The following RTL4 variants were observed in gnomAD, a reference collection of about 807,000 sequenced individuals.
RTL4 encodes the protein retrotransposon Gag like 4, also known as retrotransposon Gag-like protein 4.
Under a neutral mutation model 5.3 loss-of-function variants are expected in RTL4, and 4 were observed. The ratio of observed to expected loss-of-function variants is 0.75; its 90% CI spans 0.37 to 1.72. RTL4 has a LOEUF of 1.72. RTL4 is among the 40% of genes most tolerant of loss of function. The probability of loss-of-function intolerance (pLI) is 0.04; values close to 1 mark genes in which losing one functional copy is unlikely to be tolerated. For synonymous variants in RTL4, 98 were observed against 87.3 expected (o/e 1.12, Z -0.68); for missense variants, 260 against 227.1 (o/e 1.14, Z -0.93).
chrX:112,419,629 G>C, the RTL4 span, among the ~76,000 whole-genome samples: 1 of 9,905 alleles, frequency 1.0e-4, no homozygotes, highest in Non-Finnish European at 5.3e-4. Flanking sequence ...ATATATTTAA[G>C]TATGTAAATC....
chrX:112,310,958 C>A, the RTL4 span, among the ~76,000 whole-genome samples: 1 of 101,458 alleles, frequency 9.9e-6, no homozygotes, highest in African/African-American at 3.6e-5. Flanking sequence ...CAATTAAATT[C>A]CAGTCTTGCA....
At chrX:112,402,711 CA>C in the RTL4 span, among the ~76,000 whole-genome samples, 1 of 110,576 alleles carries the variant, frequency 9.0e-6, no homozygotes, top group Non-Finnish European at 1.9e-5. Context: ...GAGAAAAGCT[CA>C]GAGCTCTAGA....
chrX:112,378,681 T>C, the RTL4 span, among the ~76,000 whole-genome samples: 1 of 111,912 alleles, frequency 8.9e-6, no homozygotes, highest in Admixed American at 9.4e-5. Context: ...GCCTAGCCTT[T>C]GTCATTGACA....
the RTL4 span, among the ~76,000 whole-genome samples, chrX:112,411,217 G>T: frequency 9.0e-6 from 1 of 111,444 alleles, no homozygotes; most frequent in Non-Finnish European, 1.9e-5. Context: ...GTAATAAAAA[G>T]TCTCCTAGCA....
the RTL4 span, among the ~76,000 whole-genome samples, chrX:112,320,870 C>A: frequency 1.8e-5 from 2 of 111,862 alleles, no homozygotes; most frequent in African/African-American, 6.5e-5. Flanking sequence ...TGTCTTTAAA[C>A]ATTTCCATAT....
At chrX:112,451,434 G>C (rs1003895429), upstream of RTL4, among the ~76,000 whole-genome samples, 1 of 111,237 alleles carries the variant, frequency 9.0e-6, no homozygotes, top group African/African-American at 3.3e-5. Context: ...GAAAGATCGA[G>C]GCTGCAATGA....
chrX:112,220,216 A>C, the RTL4 span, among the ~76,000 whole-genome samples: 1 of 112,831 alleles, frequency 8.9e-6, no homozygotes, highest in East Asian at 2.8e-4. Context: ...TTATTTTGCT[A>C]GTCTAAATTG....
chrX:112,412,436 A>G, the RTL4 span, among the ~76,000 whole-genome samples: 2 of 111,863 alleles, frequency 1.8e-5, no homozygotes, highest in African/African-American at 3.2e-5. Context: ...GAAGAATCAC[A>G]TTACCTGACT....
chrX:112,153,887 G>A, the RTL4 span, among the ~76,000 whole-genome samples: 1 of 110,841 alleles, frequency 9.0e-6, no homozygotes, highest in Admixed American at 9.6e-5. Flanking sequence ...ATCAAATTAC[G>A]GAAGGTTTCA....
At chrX:112,355,071 G>T in the RTL4 span, among the ~76,000 whole-genome samples, 5 of 111,327 alleles carry the variant, frequency 4.5e-5, no homozygotes. Flanking sequence ...TCTGAGAACT[G>T]GTTTGTTCCT....
chrX:112,165,083 TC>T, the RTL4 span, among the ~76,000 whole-genome samples: 4 of 111,577 alleles, frequency 3.6e-5, no homozygotes, highest in Admixed American at 2.8e-4. Flanking sequence ...GCCAATCAAA[TC>T]CTATTGCACT....
At chrX:112,128,913 A>G in the RTL4 span, among the ~76,000 whole-genome samples, 2 of 111,393 alleles carry the variant, frequency 1.8e-5, no homozygotes, top group East Asian at 5.6e-4. Flanking sequence ...AGCCTACTCA[A>G]TAGGAGAAAT....
At chrX:112,095,857 C>G in the RTL4 span, among the ~76,000 whole-genome samples, 1 of 111,492 alleles carries the variant, frequency 9.0e-6, no homozygotes, top group African/African-American at 3.3e-5. Flanking sequence ...TCTATACTGC[C>G]ATAGATGTCA....
the RTL4 span, among the ~76,000 whole-genome samples, chrX:112,344,319 A>G: frequency 8.9e-6 from 1 of 112,143 alleles, no homozygotes; most frequent in Non-Finnish European, 1.9e-5. Flanking sequence ...GTTTGTTCTT[A>G]CACTGCTATA....
chrX:112,302,860 G>A, the RTL4 span, among the ~76,000 whole-genome samples: 5 of 112,234 alleles, frequency 4.5e-5, no homozygotes, highest in African/African-American at 6.5e-5. Flanking sequence ...CTATCTAGAC[G>A]TTCATTATTT....
chrX:112,182,855 C>T, the RTL4 span, among the ~76,000 whole-genome samples: 1 of 111,464 alleles, frequency 9.0e-6, no homozygotes, highest in Non-Finnish European at 1.9e-5. Context: ...CCACAAGGCA[C>T]ATAATCATCA....
Position 112,454,711 on chromosome X carries a change from C to A in RTL4, c.-18C>A, listed in dbSNP as rs758584632. 53 of 1,162,102 alleles carry A rather than the reference C, an allele frequency of 4.6e-5. No homozygotes were observed. The highest frequency in any genetic ancestry group is 4.0e-5 in the Non-Finnish European group (35 of 869,591). Reference sequence around the variant, plus strand: ...AGTACTCAATTCTACTCAATCCCACCTGATTCCAGGAGACATAATGGAGAA... The same window carrying A: ...AGTACTCAATTCTACTCAATCCCACATGATTCCAGGAGACATAATGGAGAA... On this transcript the variant is annotated 5_prime_UTR_variant, in exon 1 of 1. In the 5' UTR this introduces an upstream ATG that the reference lacks. Coordinates refer to ENST00000340433, the Ensembl canonical transcript of RTL4.
chrX:112,211,956 TCAGA>T, the RTL4 span, among the ~76,000 whole-genome samples: 1 of 112,280 alleles, frequency 8.9e-6, no homozygotes, highest in East Asian at 2.8e-4. Flanking sequence ...GAGTGTGTAA[TCAGA>T]CAGCATGGTA....
the RTL4 span, among the ~76,000 whole-genome samples, chrX:112,166,266 T>C: frequency 8.9e-6 from 1 of 111,937 alleles, no homozygotes; most frequent in Admixed American, 9.5e-5. Flanking sequence ...TTTGGTTCCC[T>C]TTTTCATTTC....
Sources: gnomAD v4.1 joint callset for allele counts (sites outside exome capture counted in the v4.1 genomes callset) on GRCh38, gnomAD v4.1.1 for gene constraint, MANE v1.5 for transcripts, NCBI Gene and HGNC (gene_info 2026-07-23, HGNC 2026-07-21) for gene names.